The following CEBPZ variants were observed in gnomAD, a reference collection of about 807,000 sequenced individuals.
CEBPZ encodes CCAAT/enhancer-binding protein zeta.
Under a neutral mutation model 104.5 loss-of-function variants are expected in CEBPZ, and 78 were observed. That is an observed-to-expected ratio of 0.75 (90% CI 0.62 to 0.90). The LOEUF (loss-of-function observed/expected upper bound fraction) is 0.90. Ranked by LOEUF, CEBPZ falls within the 40% of genes least tolerant of loss-of-function variation. CEBPZ has a pLI of 0.00. For missense variants in CEBPZ, 1,439 were observed against 1,233.5 expected, an observed-to-expected ratio of 1.17 and a Z score of -2.50; for synonymous variants, 470 against 427.0, an observed-to-expected ratio of 1.10 and a Z score of -1.24.
Position 37,201,682 on chromosome 2 carries a change from CAG to C in CEBPZ, c.*80_*81del, listed in dbSNP as rs1177553419. On this transcript the variant is annotated 3_prime_UTR_variant, in exon 16 of 16. Coordinates refer to ENST00000234170, the MANE Select transcript of CEBPZ (RefSeq NM_005760.3). ...CTGAGAAGTCTGGAATGTATGGAAT[CAG>C]AGAGCTAGATCAAAAAACATGGTTG... 8 of 850,908 alleles carry C rather than the reference CAG, an allele frequency of 9.4e-6. No homozygotes were observed. The highest frequency in any genetic ancestry group is 1.6e-5 in the Non-Finnish European group (8 of 507,206). The allele number at this position is 850,908 out of a possible 1,614,324, so 52.7% of individuals were successfully genotyped here. A position where few individuals can be genotyped will look rare whatever the true frequency, so the allele number is the denominator to read the frequency against.
Position 37,231,363 on chromosome 2 carries a change from T to G in CEBPZ, c.156+49A>C, listed in dbSNP as rs751609808. 27 of 1,611,070 alleles carry G rather than the reference T, an allele frequency of 1.7e-5. No homozygotes were observed. The East Asian group carries it at 1.8e-4, about 11-fold the overall frequency. ...GGCGGGGCAGTCAGCCTAGCCACCT[T>G]CGGAACTCTCCACGCCTGATCCCGT... On this transcript the variant is annotated intron_variant, in intron 1 of 15. Transcript: ENST00000234170.
rs572135898 is a variant in CEBPZ at position 37,228,959 on chromosome 2, GTCA to G, written c.231_233del (p.Asp78del). The G allele has an allele frequency of 5.7e-4, 908 of 1,606,484 alleles. 16 individuals are homozygous for G. In the South Asian group the frequency reaches 9.6e-3, roughly 17 times the overall value. ...ATGCTTCCAATTCACCTTGCTGAAG[GTCA>G]TCGATTGCTCCTTTTTTGCCTCCAT... On this transcript the variant is annotated inframe_deletion, in exon 2 of 16. Transcript: ENST00000234170.
chr2:37,214,172 A>G (rs952488261), intron 9 of CEBPZ, among the ~76,000 whole-genome samples: 4 of 152,204 alleles, frequency 2.6e-5, no homozygotes, highest in Non-Finnish European at 5.9e-5. Flanking sequence ...AATACATTTC[A>G]AAGATAATAT....
At chr2:37,208,529 TAAAAAC>T (rs758049456) in intron 13 of CEBPZ, among the ~76,000 whole-genome samples, 3 of 151,874 alleles carry the variant, frequency 2.0e-5, no homozygotes, top group Non-Finnish European at 2.9e-5. Context: ...CATAAACAAT[TAAAAAC>T]AAAAATCATA....
intron 10 of CEBPZ, chr2:37,212,674 T>A: frequency 2.3e-6 from 1 of 442,168 alleles, no homozygotes; most frequent in Non-Finnish European, 4.0e-6. Flanking sequence ...AAATGATATT[T>A]AGCAATTGTC....
chr2:37,227,828 A>C lies in CEBPZ; in HGVS notation c.1365T>G (p.Ser455Arg), dbSNP rs767332444. The C allele has an allele frequency of 6.2e-7, 1 of 1,614,120 alleles. No individual in the cohort carries two copies. The highest frequency in any genetic ancestry group is 1.7e-5 in the Admixed American group (1 of 60,030). Residue 455 changes from serine (S) to arginine (R), a missense_variant, in exon 2 of 16, where the codon AGT (serine) becomes AGG (arginine). Ser to Arg is a moderately radical substitution (Grantham distance 110). Coordinates refer to ENST00000234170, the MANE Select transcript of CEBPZ (RefSeq NM_005760.3). ...CAGTTATTAATTTGTTAGCCAATTC[A>C]CTTTCTTCATGGGACAGAGCCATTT... Reference protein sequence around the residue: ...LNQMALSHEESELANKLITVY... With the variant: ...LNQMALSHEERELANKLITVY...
rs751099070 is a variant in CEBPZ at position 37,229,042 on chromosome 2, T to A, written c.157-6A>T. On this transcript the variant is annotated splice_region_variant and splice_polypyrimidine_tract_variant and intron_variant, in intron 1 of 15. Coordinates refer to ENST00000234170, the MANE Select transcript of CEBPZ (RefSeq NM_005760.3). ...GCCAGCATAAGGTAATCTTGCTGCA[T>A]TAAAAACATAAGTTAAAAATACATT... 3.3e-6 allele frequency: 5 copies of A among 1,498,596 alleles called. No homozygotes were observed. Among genetic ancestry groups the A allele is most frequent in the Admixed American group, 5.0e-5 (2 of 40,342 alleles). 92.8% of individuals were successfully genotyped at this position (1,498,596 alleles called of 1,614,324 possible).
rs757375659 is a variant in CEBPZ, at chr2:37,228,562, T to G, written c.631A>C (p.Lys211Gln). The G allele has an allele frequency of 6.2e-7, 1 of 1,614,248 alleles. No homozygotes were observed. Among genetic ancestry groups the G allele is most frequent in the South Asian group, 1.1e-5 (1 of 91,078 alleles). ...VVSKYKTLAQ[K>Q]LYQHEINLFK... ...AAGTTGATTTCATGCTGATACAGCT[T>G]CTGAGCAAGGGTTTTGTACTTAGAT... The change falls in exon 2 of 16, where the codon AAG becomes CAG. Residue 211 changes from lysine (K) to glutamine (Q), a missense_variant. Lys to Gln is a moderately conservative substitution (Grantham distance 53). Coordinates refer to ENST00000234170, the MANE Select transcript of CEBPZ (RefSeq NM_005760.3).
chr2:37,205,741 A>C (rs1393210184), intron 13 of CEBPZ, among the ~76,000 whole-genome samples: 2 of 152,252 alleles, frequency 1.3e-5, no homozygotes, highest in African/African-American at 4.8e-5. Context: ...AAGTATGTAC[A>C]GTGCTTTCTA....
rs1004190850 is a variant in CEBPZ, at chr2:37,231,135, G to A, written c.156+277C>T. The A allele has an allele frequency of 5.1e-6, 3 of 593,552 alleles. No homozygotes were observed. In the African/African-American group the frequency reaches 5.5e-5, roughly 11 times the overall value. The allele number at this position is 593,552 out of a possible 1,614,324, so 36.8% of individuals were successfully genotyped here. ...TCAGGACCAAGAAAAGCCACTCTCC[G>A]ACCTGATGGTGTGATGGTTATACCA... On this transcript the variant is annotated intron_variant, in intron 1 of 15. Transcript: ENST00000234170.
intron 10 of CEBPZ, chr2:37,212,638 T>C (rs1677759881): frequency 1.9e-6 from 1 of 513,592 alleles, no homozygotes; most frequent in African/African-American, 1.9e-5. Context: ...ACAGTTCTTT[T>C]ATGGAAAGAG....
Position 37,227,974 on chromosome 2 carries a change from C to T in CEBPZ, c.1219G>A (p.Glu407Lys). The change falls in exon 2 of 16, where the codon GAG (glutamate) becomes AAG (lysine). Residue 407 changes from glutamate (E) to lysine (K), a missense_variant. Transcript: ENST00000234170. ...RIATKASHLL[E>K]TLLCKHPNMK... Reference sequence around the variant, plus strand: ...TTGGGATGTTTACAAAGTAATGTCTCTAACAGATGGGATGCTTTTGTGGCA... The same window carrying T: ...TTGGGATGTTTACAAAGTAATGTCTTTAACAGATGGGATGCTTTTGTGGCA... 6.2e-7 allele frequency: 1 copy of T among 1,614,180 alleles called. No homozygotes were observed. The highest frequency in any genetic ancestry group is 8.5e-7 in the Non-Finnish European group (1 of 1,180,022).
chr2:37,205,563 A>T (rs1229107424), intron 13 of CEBPZ, among the ~76,000 whole-genome samples: 2 of 152,188 alleles, frequency 1.3e-5, no homozygotes, highest in East Asian at 3.8e-4. Context: ...GCCCGCCTGC[A>T]CCCAGGTGAA....
At chr2:37,230,552 A>G (rs1185360999) in intron 1 of CEBPZ, among the ~76,000 whole-genome samples, 1 of 152,206 alleles carries the variant, frequency 6.6e-6, no homozygotes, top group African/African-American at 2.4e-5. Flanking sequence ...CTCCACCTTG[A>G]AAGTCCAGTC....
intron 13 of CEBPZ, chr2:37,210,628 T>G (rs1317622847): frequency 1.2e-5 from 2 of 161,450 alleles, no homozygotes; most frequent in East Asian, 3.6e-4. Context: ...GGGGGAAGAG[T>G]GGGAGGCAGT....
intron 2 of CEBPZ, among the ~76,000 whole-genome samples, chr2:37,226,175 T>C (rs1164941827): frequency 6.6e-6 from 1 of 151,950 alleles, no homozygotes; most frequent in Non-Finnish European, 1.5e-5. Flanking sequence ...GTTCCCCGGT[T>C]CCCCTTATTT....
In CEBPZ at chr2:37,216,177, T is replaced by C. The variant is rs1315144640; in HGVS notation, c.2343A>G (p.Lys781=). The change falls in exon 8 of 16, where the codon AAA becomes AAG. Residue 781 remains lysine (K), a synonymous_variant. Coordinates refer to ENST00000234170, the MANE Select transcript of CEBPZ (RefSeq NM_005760.3). ...GAATATCCTTAATAAAATGTTTTCT[T>C]TTCGGCTGCATCACAACACTATCTG... is the stretch of plus-strand genomic sequence containing the variant. ...ENTDSVVMQP[K]RKHFIKDIRH... The C allele has an allele frequency of 6.2e-7, 1 of 1,613,374 alleles. No homozygotes were observed. Among genetic ancestry groups the C allele is most frequent in the Admixed American group, 1.7e-5 (1 of 59,990 alleles).
chr2:37,204,690 G>T (rs1006097911), intron 13 of CEBPZ: 1 of 152,152 alleles, frequency 6.6e-6, no homozygotes, highest in African/African-American at 2.4e-5. Context: ...AATGTAGGGT[G>T]ATCAATTAGT....
chr2:37,204,777 G>A (rs1303933085), intron 13 of CEBPZ: 2 of 152,130 alleles, frequency 1.3e-5, no homozygotes, highest in Non-Finnish European at 2.9e-5. Context: ...ATTCTGTTGG[G>A]TATTCTTTAA....
Sources: allele counts gnomAD v4.1 joint callset (sites outside exome capture counted in the v4.1 genomes callset), GRCh38; gene constraint gnomAD v4.1.1; transcripts MANE v1.5; gene names NCBI Gene and HGNC (gene_info 2026-07-23, HGNC 2026-07-21).